LIMS1: variants seen among roughly 807,000 people sequenced by gnomAD.
LIMS1 encodes the protein LIM and senescent cell antigen-like-containing domain protein 1.
LIMS1 carries 18 observed loss-of-function variants against 44.1 expected under a neutral mutation model. The ratio of observed to expected loss-of-function variants is 0.41; its 90% CI spans 0.28 to 0.61. The LOEUF is 0.61. Among genes scored for constraint, LIMS1 ranks in the 20% least tolerant of loss-of-function variants. The pLI is 0.32. For missense variants in LIMS1, 201 were observed against 422.0 expected, an observed-to-expected ratio of 0.48 and a Z score of 4.59; for synonymous variants, 93 against 149.1, an observed-to-expected ratio of 0.62 and a Z score of 2.74.
At chr2:108,680,540 TAAAAAAAAAAAA>T (rs772500201) in intron 8 of LIMS1, among the ~76,000 whole-genome samples, 143 bp from the exon 9 acceptor site, 18 of 81,582 alleles carry the variant, frequency 2.2e-4, no homozygotes, top group Non-Finnish European at 3.4e-4. Context: ...CTGTCTCATT[TAAAAAAAAAAAA>T]AAAAAAAAAA....
At chr2:108,589,297 G>A (rs1686260421) in intron 1 of LIMS1, among the ~76,000 whole-genome samples, 2 of 152,016 alleles carry the variant, frequency 1.3e-5, no homozygotes, top group East Asian at 1.9e-4. Context: ...CCAAATCAGG[G>A]TAATTAGCCT....
Position 108,681,660 on chromosome 2 carries a change from C to T in LIMS1, c.899+890C>T, listed in dbSNP as rs542930161. 9 of 879,478 alleles carry T rather than the reference C, an allele frequency of 1.0e-5. 2 individuals carry two copies. In the African/African-American group the frequency reaches 1.6e-4, roughly 16 times the overall value. The allele number at this position is 879,478 out of a possible 1,614,324, so 54.5% of individuals were successfully genotyped here. A position where few individuals can be genotyped will look rare whatever the true frequency, so the allele number is the denominator to read the frequency against. Reference sequence around the variant, plus strand: ...GCATGGCGAGGCATGGTGGCTCACGCCTGTAATCCCAGCACTTTAGGAAGG... The same window carrying T: ...GCATGGCGAGGCATGGTGGCTCACGTCTGTAATCCCAGCACTTTAGGAAGG... On this transcript the variant is annotated intron_variant, in intron 9 of 9. Coordinates refer to ENST00000544547, the Ensembl canonical transcript of LIMS1.
chr2:108,596,670 A>G (rs1573401333), intron 1 of LIMS1, among the ~76,000 whole-genome samples: 1 of 152,382 alleles, frequency 6.6e-6, no homozygotes, highest in South Asian at 2.1e-4. Context: ...CTAAAAATAC[A>G]AAATTAGCCA....
intron 1 of LIMS1, among the ~76,000 whole-genome samples, chr2:108,553,152 A>G (rs552874528): frequency 1.1e-4 from 17 of 152,328 alleles, no homozygotes; most frequent in African/African-American, 3.4e-4. Flanking sequence ...GCCACTTTCT[A>G]GCATGGTCTT....
At chr2:108,657,383 A>G (rs376900043) in intron 1 of LIMS1, among the ~76,000 whole-genome samples, 11,293 of 147,384 alleles carry the variant, frequency 0.077, 1 homozygote, top group Non-Finnish European at 0.11. Context: ...CAACAGAGCC[A>G]TATATATGAG....
At chr2:108,587,427 G>A (rs926181011) in intron 1 of LIMS1, among the ~76,000 whole-genome samples, 1 of 151,730 alleles carries the variant, frequency 6.6e-6, no homozygotes, top group African/African-American at 2.4e-5. Context: ...CTGAACTCCT[G>A]GGCTCAAGTG....
intron 1 of LIMS1, among the ~76,000 whole-genome samples, chr2:108,574,302 C>T (rs1455091919): frequency 6.6e-6 from 1 of 152,170 alleles, no homozygotes; most frequent in East Asian, 1.9e-4. Flanking sequence ...AAAGGCATTG[C>T]TTTTGTTTAA....
At chr2:108,671,646 G>A (rs368978185) in intron 3 of LIMS1, among the ~76,000 whole-genome samples, 2,731 of 152,266 alleles carry the variant, frequency 0.018, 48 homozygotes, top group African/African-American at 0.039. Flanking sequence ...AAGGTTTAAT[G>A]AAAGAATAAA....
intron 1 of LIMS1, among the ~76,000 whole-genome samples, chr2:108,627,873 T>G (rs753873519): frequency 5.9e-5 from 9 of 152,252 alleles, no homozygotes; most frequent in Non-Finnish European, 1.3e-4. Context: ...TGAACCTCCT[T>G]AAGTTTTTTT....
At chr2:108,556,354 C>T (rs186351788) in intron 1 of LIMS1, among the ~76,000 whole-genome samples, 38 of 152,226 alleles carry the variant, frequency 2.5e-4, no homozygotes, top group Admixed American at 6.5e-4. Context: ...TTGATGGACA[C>T]GGGTGATTTT....
At chr2:108,543,548 G>A (rs571201821) in intron 1 of LIMS1, among the ~76,000 whole-genome samples, 36 of 152,194 alleles carry the variant, frequency 2.4e-4, no homozygotes, top group African/African-American at 8.2e-4. Context: ...TTTATTGTGG[G>A]TCTGAAAAAA....
chr2:108,534,481 G>C (rs1311343343), exon 1 of LIMS1: 22 of 1,086,584 alleles, frequency 2.0e-5, no homozygotes, highest in Admixed American at 5.0e-5. Flanking sequence ...GTAGCCGGCC[G>C]CGGCGGCGAG....
chr2:108,671,294 A>T (rs963621033), intron 3 of LIMS1, among the ~76,000 whole-genome samples: 1 of 151,924 alleles, frequency 6.6e-6, no homozygotes, highest in Non-Finnish European at 1.5e-5. Context: ...CCTCTTCCCT[A>T]TTGTTAACAT....
intron 1 of LIMS1, among the ~76,000 whole-genome samples, chr2:108,619,304 G>A (rs372462777): frequency 2.7e-4 from 41 of 151,218 alleles, no homozygotes; most frequent in Non-Finnish European, 3.8e-4. Flanking sequence ...TTCATTAGGC[G>A]TCTATTCTGT....
chr2:108,625,661 A>G (rs1399210595), intron 1 of LIMS1, among the ~76,000 whole-genome samples: 1 of 152,126 alleles, frequency 6.6e-6, no homozygotes, highest in Non-Finnish European at 1.5e-5. Context: ...GCCACACAGC[A>G]GCAGTGAGCT....
chr2:108,675,885 C>T, exon 6 of LIMS1: 1 of 1,613,944 alleles, frequency 6.2e-7, no homozygotes. Context: ...CAGGAAGGAG[C>T]TGACTGCCGA....
intron 2 of LIMS1, among the ~76,000 whole-genome samples, chr2:108,667,197 A>G (rs2438771): frequency 1.6e-4 from 25 of 152,126 alleles, no homozygotes; most frequent in Middle Eastern, 3.4e-3. Flanking sequence ...AACATATACA[A>G]AGACATCACT....
chr2:108,614,348 G>T (rs1000648917), intron 1 of LIMS1, among the ~76,000 whole-genome samples: 2 of 152,124 alleles, frequency 1.3e-5, no homozygotes, highest in Non-Finnish European at 2.9e-5. Flanking sequence ...TGTCCTGGTA[G>T]ACACTCTTCC....
chr2:108,633,476 ACT>A (rs1180514372), intron 1 of LIMS1, among the ~76,000 whole-genome samples: 39 of 152,202 alleles, frequency 2.6e-4, no homozygotes, highest in African/African-American at 6.7e-4. Flanking sequence ...TATTTGAACC[ACT>A]CTCAATTTCA....
Sources: allele counts gnomAD v4.1 joint callset (sites outside exome capture counted in the v4.1 genomes callset), GRCh38; gene constraint gnomAD v4.1.1; transcripts MANE v1.5; gene names NCBI Gene and HGNC (gene_info 2026-07-23, HGNC 2026-07-21).